Variants in SCFD2 observed in about 807,000 individuals in gnomAD.
SCFD2 encodes the protein sec1 family domain-containing protein 2.
SCFD2 carries 54 observed loss-of-function variants against 58.9 expected under a neutral mutation model. The observed-to-expected ratio is 0.92, with a 90% CI of 0.74 to 1.15. SCFD2 has a LOEUF of 1.15. Among genes scored for constraint, SCFD2 ranks in the 50% most tolerant of loss-of-function variants. The probability of loss-of-function intolerance (pLI) is 0.00; values close to 1 mark genes in which losing one functional copy is unlikely to be tolerated. For synonymous variants in SCFD2, 321 were observed against 335.9 expected (o/e 0.96, Z 0.49); for missense variants, 805 against 836.6 (o/e 0.96, Z 0.47).
At chr4:52,911,980 C>CA (rs1719497346) in intron 6 of SCFD2, among the ~76,000 whole-genome samples, 1 of 152,130 alleles carries the variant, frequency 6.6e-6, no homozygotes, top group Non-Finnish European at 1.5e-5. Flanking sequence ...GATGGCCTCT[C>CA]ACCACTTGAA....
rs1734256172 is a variant in SCFD2, at chr4:53,352,588, T to C, written c.1007+10A>G. The stretch of plus-strand genomic sequence containing the variant: ...GAGAAAGATAAGATGACAAAAACTA[T>C]ATATCTTACCTGGATTGTGAAAGAC... On this transcript the variant is annotated intron_variant, in intron 2 of 8. Coordinates refer to ENST00000401642, the MANE Select transcript of SCFD2 (RefSeq NM_152540.4). The C allele has an allele frequency of 6.2e-7, 1 of 1,601,668 alleles. No individual in the cohort carries two copies. Among genetic ancestry groups the C allele is most frequent in the Non-Finnish European group, 8.5e-7 (1 of 1,170,462 alleles).
chr4:53,003,722 A>T (rs1200636118), intron 5 of SCFD2, among the ~76,000 whole-genome samples: 1 of 152,238 alleles, frequency 6.6e-6, no homozygotes, highest in Non-Finnish European at 1.5e-5. Context: ...AACAGGTGAT[A>T]GGATTTGAAC....
chr4:53,147,682 C>T (rs1261773240), intron 4 of SCFD2, among the ~76,000 whole-genome samples: 1 of 152,170 alleles, frequency 6.6e-6, no homozygotes, highest in African/African-American at 2.4e-5. Context: ...CTCTCTAGAG[C>T]AGGGGTGTCC....
chr4:53,083,117 C>A (rs191347523), intron 5 of SCFD2, among the ~76,000 whole-genome samples: 1 of 151,900 alleles, frequency 6.6e-6, no homozygotes, highest in Non-Finnish European at 1.5e-5. Flanking sequence ...CCTTGAAAAT[C>A]GGTGATGGGT....
chr4:53,329,101 CAG>C (rs1733327267), intron 2 of SCFD2, among the ~76,000 whole-genome samples: 2 of 152,146 alleles, frequency 1.3e-5, no homozygotes, highest in Non-Finnish European at 2.9e-5. Context: ...CCTACGCCCA[CAG>C]AGTCTCACTG....
intron 5 of SCFD2, among the ~76,000 whole-genome samples, chr4:52,999,343 G>A (rs1721813745): frequency 6.6e-6 from 1 of 152,170 alleles, no homozygotes; most frequent in African/African-American, 2.4e-5. Context: ...GAATTCATTT[G>A]TATTCCATTT....
intron 2 of SCFD2, among the ~76,000 whole-genome samples, chr4:53,327,786 T>C (rs1733256261): frequency 6.6e-6 from 1 of 152,176 alleles, no homozygotes; most frequent in Admixed American, 6.5e-5. Flanking sequence ...TCAATCCTTG[T>C]GATGCTGGCT....
intron 8 of SCFD2, among the ~76,000 whole-genome samples, chr4:52,877,919 C>T (rs534937010): frequency 6.6e-6 from 1 of 152,344 alleles, no homozygotes; most frequent in South Asian, 2.1e-4. Context: ...CCCTTGCCTC[C>T]ACACCCCCAA....
chr4:53,166,875 A>T (rs1727025022), intron 4 of SCFD2, among the ~76,000 whole-genome samples: 1 of 151,890 alleles, frequency 6.6e-6, no homozygotes, highest in Non-Finnish European at 1.5e-5. Flanking sequence ...ATTCTTTGTA[A>T]TCTAGGTCCA....
chr4:53,264,018 G>C (rs1730907382), intron 4 of SCFD2, among the ~76,000 whole-genome samples: 2 of 152,156 alleles, frequency 1.3e-5, no homozygotes, highest in African/African-American at 4.8e-5. Context: ...ATGGAGTTAT[G>C]TTCCCAGGGG....
At chr4:53,294,850 T>G (rs1196450074) in intron 3 of SCFD2, among the ~76,000 whole-genome samples, 1 of 152,230 alleles carries the variant, frequency 6.6e-6, no homozygotes, top group Non-Finnish European at 1.5e-5. Context: ...TTCAGCTTTC[T>G]GCATATGGCT....
intron 5 of SCFD2, among the ~76,000 whole-genome samples, chr4:53,067,421 A>C (rs1462343844): frequency 6.6e-6 from 1 of 152,036 alleles, no homozygotes; most frequent in Non-Finnish European, 1.5e-5. Flanking sequence ...GCAGCCTTTC[A>C]GAATGGGTAT....
chr4:53,270,897 T>A (rs531635900), intron 4 of SCFD2, among the ~76,000 whole-genome samples: 6 of 152,248 alleles, frequency 3.9e-5, no homozygotes, highest in African/African-American at 1.4e-4. Context: ...CTTAGTATAT[T>A]ACATATTAAT....
At chr4:53,329,762 T>C (rs1733363989) in intron 2 of SCFD2, among the ~76,000 whole-genome samples, 1 of 151,404 alleles carries the variant, frequency 6.6e-6, no homozygotes, top group African/African-American at 2.4e-5. Flanking sequence ...TTTGACGAGC[T>C]GAGAGAAGAA....
At chr4:53,266,862 T>G (rs1731000053) in intron 4 of SCFD2, among the ~76,000 whole-genome samples, 1 of 152,262 alleles carries the variant, frequency 6.6e-6, no homozygotes, top group Non-Finnish European at 1.5e-5. Flanking sequence ...TTGTACTCAC[T>G]GCTAACAAAT....
At chr4:53,297,668 T>C (rs1055964924) in intron 3 of SCFD2, among the ~76,000 whole-genome samples, 12 of 152,200 alleles carry the variant, frequency 7.9e-5, no homozygotes, top group Non-Finnish European at 1.3e-4. Flanking sequence ...AAGTTTAATA[T>C]TGTTATGTGT....
At chr4:53,126,107 G>A (rs1725620064) in intron 5 of SCFD2, among the ~76,000 whole-genome samples, 1 of 152,118 alleles carries the variant, frequency 6.6e-6, no homozygotes, top group South Asian at 2.1e-4. Flanking sequence ...TAAAACTAAG[G>A]GATATCTGTG....
chr4:53,284,225 T>C (rs1372557655), intron 3 of SCFD2, among the ~76,000 whole-genome samples: 1 of 151,410 alleles, frequency 6.6e-6, no homozygotes, highest in Non-Finnish European at 1.5e-5. Context: ...AAAAGTCTAA[T>C]GAGTAAAAAA....
intron 5 of SCFD2, among the ~76,000 whole-genome samples, chr4:52,994,082 C>T (rs898090181): frequency 1.3e-5 from 2 of 152,190 alleles, no homozygotes; most frequent in African/African-American, 4.8e-5. Context: ...TGGGGCTGTT[C>T]CTGGGGCATC....
Sources: allele counts gnomAD v4.1 joint callset (sites outside exome capture counted in the v4.1 genomes callset), GRCh38; gene constraint gnomAD v4.1.1; transcripts MANE v1.5; gene names NCBI Gene and HGNC (gene_info 2026-07-23, HGNC 2026-07-21).